The following OTOGL variants were observed in gnomAD, a reference collection of about 807,000 sequenced individuals.
The protein encoded by OTOGL is otogelin-like protein.
In OTOGL, 285 loss-of-function variants were observed where a neutral mutation model predicts 318.5. The observed-to-expected ratio is 0.89, with a 90% CI of 0.81 to 0.99. The LOEUF (loss-of-function observed/expected upper bound fraction) is 0.99, where lower values mean the gene tolerates loss of function less well. Among genes scored for constraint, OTOGL ranks in the 50% least tolerant of loss-of-function variants. The pLI, the probability that OTOGL is intolerant of heterozygous loss-of-function variation, is 0.00. For missense variants in OTOGL, 2,899 were observed against 2,845.6 expected (o/e 1.02, Z -0.43); for synonymous variants, 987 against 936.5 (o/e 1.05, Z -0.99).
chr12:80,318,718 G>T lies in OTOGL; in HGVS notation c.3802+5G>T. ...TTTTCAAAGAGAAGGTATCATGTAA[G>T]TATAATTGAAAATAAGAGTTTAGCT... On this transcript the variant is annotated splice_donor_5th_base_variant and intron_variant, in intron 33 of 58. Coordinates refer to ENST00000547103, the MANE Select transcript of OTOGL (RefSeq NM_001378609.3). The T allele has an allele frequency of 8.1e-7, 1 of 1,234,122 alleles. No individual in the cohort carries two copies. 76.4% of individuals were successfully genotyped at this position (1,234,122 alleles called of 1,614,324 possible). A position where few individuals can be genotyped will look rare whatever the true frequency, so the allele number is the denominator to read the frequency against.
At chr12:80,108,823 A>ATATG (rs1209133355) in intron 1 of OTOGL, among the ~76,000 whole-genome samples, 1 of 134,150 alleles carries the variant, frequency 7.5e-6, no homozygotes, top group African/African-American at 2.8e-5. Flanking sequence ...GTGTATATAT[A>ATATG]TGTATATATA....
chr12:80,320,284 G>C (rs1481546495), intron 33 of OTOGL, 138 bp from the exon 34 acceptor site: 1 of 698,898 alleles, frequency 1.4e-6, no homozygotes, highest in Admixed American at 4.0e-5. Flanking sequence ...TAGTTTATTT[G>C]TGAAATCTTA....
intron 1 of OTOGL, among the ~76,000 whole-genome samples, chr12:80,110,539 G>C (rs1869774477): frequency 6.6e-6 from 1 of 150,736 alleles, no homozygotes; most frequent in Non-Finnish European, 1.5e-5. Flanking sequence ...TGCTGAGAAT[G>C]ATGGTTTCCA....
At chr12:80,313,705 T>A in intron 31 of OTOGL, 73 bp downstream of exon 31, 1 of 1,297,880 alleles carries the variant, frequency 7.7e-7, no homozygotes, top group African/African-American at 1.5e-5. Context: ...TGATTTAGCT[T>A]AGAAATAATG....
intron 1 of OTOGL, among the ~76,000 whole-genome samples, chr12:80,200,213 G>C (rs1876364375): frequency 6.6e-6 from 1 of 152,108 alleles, no homozygotes; most frequent in Non-Finnish European, 1.5e-5. Flanking sequence ...AAGATAAATA[G>C]GAATATAAAT....
chr12:80,124,383 T>A (rs551514584), intron 1 of OTOGL, among the ~76,000 whole-genome samples: 8 of 152,312 alleles, frequency 5.3e-5, no homozygotes, highest in African/African-American at 1.9e-4. Flanking sequence ...CTCTGTTCTG[T>A]TCCATTGGTC....
chr12:80,278,386 A>C, intron 25 of OTOGL, 111 bp downstream of exon 25: 2 of 883,464 alleles, frequency 2.3e-6, no homozygotes, highest in Non-Finnish European at 1.7e-6. Flanking sequence ...ATCAAGCCTC[A>C]GCAAATAATT....
chr12:80,130,093 G>T (rs535198830), intron 1 of OTOGL, among the ~76,000 whole-genome samples: 17 of 151,476 alleles, frequency 1.1e-4, no homozygotes, highest in Non-Finnish European at 2.4e-4. Context: ...TGTCATACTT[G>T]TTCTTAACTG....
At chr12:80,243,996 C>T (rs1424934620) in intron 11 of OTOGL, among the ~76,000 whole-genome samples, 1 of 150,910 alleles carries the variant, frequency 6.6e-6, no homozygotes, top group Non-Finnish European at 1.5e-5. Context: ...CAGAAATCCT[C>T]CCTTCTTCAT....
intron 1 of OTOGL, among the ~76,000 whole-genome samples, chr12:80,200,238 G>A (rs962212603): frequency 6.6e-6 from 1 of 152,172 alleles, no homozygotes; most frequent in Non-Finnish European, 1.5e-5. Flanking sequence ...TAAATTGTAA[G>A]TGCCAAGGAG....
rs545574512 is a variant in OTOGL at position 80,278,929 on chromosome 12, T to G, written c.2790-99T>G. 256 of 1,370,502 alleles carry G rather than the reference T, an allele frequency of 1.9e-4. 1 individual carries two copies. The highest frequency in any genetic ancestry group is 5.4e-4 in the Admixed American group (29 of 53,886). The allele number at this position is 1,370,502 out of a possible 1,614,324, so 84.9% of individuals were successfully genotyped here. On this transcript the variant is annotated intron_variant, in intron 25 of 58. Transcript: ENST00000547103. Reference sequence around the variant, plus strand: ...AATATTCGTAAGGGATATTGACTCATGAATTCTCTTGAATACAGACATTCC... The same window carrying G: ...AATATTCGTAAGGGATATTGACTCAGGAATTCTCTTGAATACAGACATTCC...
intron 1 of OTOGL, among the ~76,000 whole-genome samples, chr12:80,135,621 TAAG>T (rs927569878): frequency 1.6e-4 from 24 of 152,278 alleles, no homozygotes; most frequent in African/African-American, 5.8e-4. Context: ...TTAGCACTAA[TAAG>T]AAGTCTTGGT....
intron 1 of OTOGL, among the ~76,000 whole-genome samples, chr12:80,108,277 A>C (rs1231253912): frequency 6.6e-6 from 1 of 152,090 alleles, no homozygotes; most frequent in African/African-American, 2.4e-5. Context: ...TGAATTTTGC[A>C]GTAATTCTGA....
Position 80,222,094 on chromosome 12 carries a change from C to A in OTOGL, c.338C>A (p.Pro113Gln). Reference sequence around the variant, plus strand: ...ATATTATCCTGTTTCTTTTCAGTCCCAAACATGGGCAACGGCAGAGATGGG... The same window carrying A: ...ATATTATCCTGTTTCTTTTCAGTCCAAAACATGGGCAACGGCAGAGATGGG... Reference protein sequence around the residue: ...QALGTRCQIIPNMGNGRDGIC... With the variant: ...QALGTRCQIIQNMGNGRDGIC... Residue 113 changes from proline (P) to glutamine (Q), a missense_variant, in exon 7 of 59, where the codon CCA becomes CAA. Coordinates refer to ENST00000547103, the MANE Select transcript of OTOGL (RefSeq NM_001378609.3). The A allele has an allele frequency of 6.3e-7, 1 of 1,596,894 alleles. No individual in the cohort carries two copies. Among genetic ancestry groups the A allele is most frequent in the Non-Finnish European group, 8.5e-7 (1 of 1,178,514 alleles).
intron 1 of OTOGL, among the ~76,000 whole-genome samples, chr12:80,147,690 A>G (rs997844497): frequency 9.2e-5 from 14 of 152,158 alleles, no homozygotes; most frequent in Middle Eastern, 6.8e-3. Flanking sequence ...GTGGGAGTCT[A>G]AGTCTCTTTG....
intron 1 of OTOGL, among the ~76,000 whole-genome samples, chr12:80,135,272 CCCCT>C: frequency 8.0e-6 from 1 of 124,352 alleles, no homozygotes; most frequent in Admixed American, 8.3e-5. Context: ...CCCCTCCCCT[CCCCT>C]CCCCTTCCCT....
chr12:80,147,752 A>G (rs1436745860), intron 1 of OTOGL, among the ~76,000 whole-genome samples: 1 of 152,162 alleles, frequency 6.6e-6, no homozygotes, highest in Non-Finnish European at 1.5e-5. Context: ...TATTGGGTGC[A>G]TATATATTTA....
chr12:80,133,313 C>A (rs1279466000), intron 1 of OTOGL, among the ~76,000 whole-genome samples: 1 of 151,916 alleles, frequency 6.6e-6, no homozygotes, highest in Non-Finnish European at 1.5e-5. Context: ...AATAAATGAA[C>A]TATTATTATA....
intron 17 of OTOGL, 117 bp from the exon 18 acceptor site, chr12:80,257,708 G>GC: frequency 3.8e-6 from 4 of 1,058,746 alleles, no homozygotes; most frequent in Non-Finnish European, 5.2e-6. Context: ...GGAACCACTA[G>GC]CCTGCCTCTC....
Sources: gnomAD v4.1 joint callset for allele counts (sites outside exome capture counted in the v4.1 genomes callset) on GRCh38, gnomAD v4.1.1 for gene constraint, MANE v1.5 for transcripts, NCBI Gene and HGNC (gene_info 2026-07-23, HGNC 2026-07-21) for gene names.